The following ARB2A variants were observed in gnomAD, a reference collection of about 807,000 sequenced individuals.
The protein encoded by ARB2A is ARB2 cotranscriptional regulator A.
the ARB2A span, among the ~76,000 whole-genome samples, chr5:94,069,660 C>T: frequency 6.6e-6 from 1 of 152,082 alleles, no homozygotes; most frequent in South Asian, 2.1e-4. Context: ...AGAAGGCATA[C>T]AAATGGCCAA....
chr5:93,687,014 TC>T, the ARB2A span, among the ~76,000 whole-genome samples: 1 of 151,252 alleles, frequency 6.6e-6, no homozygotes. Flanking sequence ...CTTAACAAAC[TC>T]CATAAGCAAA....
chr5:93,670,176 C>T, the ARB2A span, among the ~76,000 whole-genome samples: 1 of 152,180 alleles, frequency 6.6e-6, no homozygotes, highest in Non-Finnish European at 1.5e-5. Context: ...ACCATAATTG[C>T]CTGCCTAGGC....
chr5:93,796,667 C>T, the ARB2A span, among the ~76,000 whole-genome samples: 1 of 152,154 alleles, frequency 6.6e-6, no homozygotes, highest in African/African-American at 2.4e-5. Context: ...CTTGAAGAAA[C>T]TTCTATTCAA....
At chr5:93,728,213 G>A in the ARB2A span, among the ~76,000 whole-genome samples, 2 of 151,902 alleles carry the variant, frequency 1.3e-5, no homozygotes, top group Non-Finnish European at 2.9e-5. Context: ...TTCTGACCAG[G>A]AGTATATCAA....
the ARB2A span, among the ~76,000 whole-genome samples, chr5:93,800,440 G>C: frequency 6.7e-6 from 1 of 148,346 alleles, no homozygotes; most frequent in Non-Finnish European, 1.5e-5. Flanking sequence ...CAAAGATACA[G>C]CTATAACTCT....
At chr5:94,071,909 T>C in the ARB2A span, among the ~76,000 whole-genome samples, 6,261 of 152,186 alleles carry the variant, frequency 0.041, 416 homozygotes, top group African/African-American at 0.14. Context: ...TAAAAACTTA[T>C]ACATGAATAC....
At chr5:93,679,306 G>A in the ARB2A span, among the ~76,000 whole-genome samples, 47 of 151,986 alleles carry the variant, frequency 3.1e-4, no homozygotes, top group East Asian at 8.7e-3. Context: ...AAATCTTAGT[G>A]AAGTCTATCC....
chr5:93,899,874 T>G, the ARB2A span, among the ~76,000 whole-genome samples: 1 of 152,114 alleles, frequency 6.6e-6, no homozygotes, highest in African/African-American at 2.4e-5. Context: ...CAAAACTAGT[T>G]TGGGAAAAAA....
the ARB2A span, among the ~76,000 whole-genome samples, chr5:93,888,865 C>T: frequency 3.3e-5 from 5 of 151,646 alleles, no homozygotes; most frequent in African/African-American, 4.8e-5. Context: ...GAGGACATAA[C>T]GAAGAATTCT....
the ARB2A span, among the ~76,000 whole-genome samples, chr5:93,641,751 C>T: frequency 6.6e-6 from 1 of 152,124 alleles, no homozygotes; most frequent in African/African-American, 2.4e-5. Flanking sequence ...TAATAGTAAA[C>T]ATTTTAAAAA....
the ARB2A span, among the ~76,000 whole-genome samples, chr5:94,059,617 TC>T: frequency 2.3e-4 from 3 of 13,220 alleles, no homozygotes; most frequent in Non-Finnish European, 4.5e-4. Context: ...TGAGACTGTC[TC>T]AAAAAAAAAA....
the ARB2A span, among the ~76,000 whole-genome samples, chr5:93,731,528 G>A: frequency 6.6e-6 from 1 of 152,176 alleles, no homozygotes; most frequent in African/African-American, 2.4e-5. Context: ...TTGTTTGGCA[G>A]TCCTAGAAAA....
the ARB2A span, among the ~76,000 whole-genome samples, chr5:94,058,336 G>C: frequency 1.3e-5 from 2 of 151,964 alleles, no homozygotes; most frequent in Non-Finnish European, 2.9e-5. Context: ...ACAATGTCTG[G>C]TATCTATGAA....
chr5:93,856,078 C>G, the ARB2A span, among the ~76,000 whole-genome samples: 2 of 151,896 alleles, frequency 1.3e-5, no homozygotes, highest in Non-Finnish European at 2.9e-5. Context: ...AAAAATTTAG[C>G]TGAATGTATA....
the ARB2A span, among the ~76,000 whole-genome samples, chr5:93,913,796 T>C: frequency 6.6e-6 from 1 of 152,036 alleles, no homozygotes; most frequent in Non-Finnish European, 1.5e-5. Flanking sequence ...TATAAACTTC[T>C]ACAAATTTTA....
the ARB2A span, among the ~76,000 whole-genome samples, chr5:93,678,085 A>T: frequency 1.3e-5 from 2 of 152,214 alleles, no homozygotes; most frequent in African/African-American, 4.8e-5. Context: ...TATGCAAAAA[A>T]AGCAGCATAT....
the ARB2A span, among the ~76,000 whole-genome samples, chr5:93,651,246 C>A: frequency 6.6e-6 from 1 of 152,184 alleles, no homozygotes; most frequent in Admixed American, 6.5e-5. Context: ...AGCAACCCTC[C>A]CATCTCAGCC....
the ARB2A span, among the ~76,000 whole-genome samples, chr5:94,041,327 C>T: frequency 6.6e-6 from 1 of 152,022 alleles, no homozygotes; most frequent in Non-Finnish European, 1.5e-5. Context: ...GACGGCCCAG[C>T]AAACTGGTCA....
the ARB2A span, among the ~76,000 whole-genome samples, chr5:93,717,299 G>A: frequency 1.3e-5 from 2 of 152,174 alleles, no homozygotes; most frequent in Non-Finnish European, 2.9e-5. Flanking sequence ...CTGAGAATGA[G>A]GTAGGAGTGG....
Sources: allele counts gnomAD v4.1 joint callset (sites outside exome capture counted in the v4.1 genomes callset), GRCh38; gene constraint gnomAD v4.1.1; transcripts MANE v1.5; gene names NCBI Gene and HGNC (gene_info 2026-07-23, HGNC 2026-07-21).